The following ARHGAP32 variants were observed in gnomAD, a reference collection of about 807,000 sequenced individuals.
ARHGAP32 encodes rho GTPase-activating protein 32.
Under a neutral mutation model 186.5 loss-of-function variants are expected in ARHGAP32, and 51 were observed. That is an observed-to-expected ratio of 0.27 (90% CI 0.22 to 0.35). ARHGAP32 has a LOEUF of 0.35. Ranked by LOEUF, ARHGAP32 falls within the 10% of genes least tolerant of loss-of-function variation. The probability of loss-of-function intolerance (pLI) is 1.00; values close to 1 mark genes in which losing one functional copy is unlikely to be tolerated. For synonymous variants in ARHGAP32, 950 were observed against 964.3 expected (o/e 0.99, Z 0.27); for missense variants, 2,186 against 2,623.5 (o/e 0.83, Z 3.64).
chr11:128,977,851 T>TTTATCA (rs1555060275), intron 19 of ARHGAP32, among the ~76,000 whole-genome samples: 4 of 138,968 alleles, frequency 2.9e-5, no homozygotes, highest in African/African-American at 1.1e-4. Context: ...TTATTTGCAA[T>TTTATCA]TTATTATTAT....
At chr11:129,076,554 T>C (rs1464761382) in intron 6 of ARHGAP32, among the ~76,000 whole-genome samples, 1 of 152,114 alleles carries the variant, frequency 6.6e-6, no homozygotes, top group Admixed American at 6.5e-5. Context: ...ATTTGGAGAT[T>C]AAATGACACA....
chr11:128,997,102 A>C (rs1303949236), intron 12 of ARHGAP32, among the ~76,000 whole-genome samples: 1 of 152,148 alleles, frequency 6.6e-6, no homozygotes, highest in East Asian at 1.9e-4. Context: ...TCTAGTTTTG[A>C]ATATTGTTTT....
intron 11 of ARHGAP32, among the ~76,000 whole-genome samples, chr11:129,005,222 C>T (rs2134781490): frequency 6.6e-6 from 1 of 152,202 alleles, no homozygotes; most frequent in South Asian, 2.1e-4. Context: ...ATACTGTCTA[C>T]ATCTTGAAAA....
At chr11:129,239,152 GATA>G (rs1345905816) in intron 1 of ARHGAP32, among the ~76,000 whole-genome samples, 3 of 152,098 alleles carry the variant, frequency 2.0e-5, no homozygotes, top group Non-Finnish European at 4.4e-5. Flanking sequence ...GCCAGGCCAC[GATA>G]ATAATTTTTC....
chr11:129,088,979 C>A (rs369656831), intron 6 of ARHGAP32, among the ~76,000 whole-genome samples: 60 of 104,886 alleles, frequency 5.7e-4, no homozygotes, highest in African/African-American at 2.1e-3. Context: ...GCCTGGGTGA[C>A]AGAGAGAGAC....
intron 2 of ARHGAP32, among the ~76,000 whole-genome samples, chr11:129,142,136 G>A (rs763892303): frequency 1.1e-4 from 16 of 152,212 alleles, no homozygotes; most frequent in Middle Eastern, 3.4e-3. Context: ...TCTGATATAA[G>A]CTATCTGAAC....
intron 1 of ARHGAP32, among the ~76,000 whole-genome samples, chr11:129,174,324 C>A (rs1330512220): frequency 2.0e-5 from 3 of 152,180 alleles, no homozygotes; most frequent in Non-Finnish European, 4.4e-5. Context: ...GCTAGCACAG[C>A]AGTCTGAGAT....
chr11:129,157,197 A>T lies in ARHGAP32; in HGVS notation c.225+7122T>A, dbSNP rs140782693. ...CTCCAAGGGATCACAACTCCTTGCC[A>T]GCAAGGGAAGAAAACCAGACAGAGA... On this transcript the variant is annotated intron_variant, in intron 2 of 22. Transcript: ENST00000682385. Among the ~76,000 whole-genome samples the T allele has an allele frequency of 1.3e-4, 20 of 152,282 alleles. No individual in the cohort carries two copies. In the East Asian group the frequency reaches 3.9e-3, roughly 30 times the overall value.
chr11:129,030,108 T>C (rs1430106190), intron 11 of ARHGAP32, among the ~76,000 whole-genome samples: 2 of 152,156 alleles, frequency 1.3e-5, no homozygotes, highest in African/African-American at 4.8e-5. Context: ...CCTCTGAAGG[T>C]AGGGATTTTA....
At chr11:129,276,219 G>C (rs1367717299) in intron 1 of ARHGAP32, among the ~76,000 whole-genome samples, 1 of 152,222 alleles carries the variant, frequency 6.6e-6, no homozygotes, top group African/African-American at 2.4e-5. Flanking sequence ...AGTACTACCG[G>C]TGGATTTTCT....
chr11:129,221,593 C>T (rs1404253440), intron 1 of ARHGAP32, among the ~76,000 whole-genome samples: 2 of 150,366 alleles, frequency 1.3e-5, no homozygotes, highest in African/African-American at 4.9e-5. Context: ...TCCTGAGCTG[C>T]GCCCCAGAAA....
Position 129,163,204 on chromosome 11 carries a change from C to T in ARHGAP32, c.225+1115G>A, listed in dbSNP as rs150503971. Among the ~76,000 whole-genome samples the T allele has an allele frequency of 1.3e-3, 191 of 152,174 alleles. 3 individuals are homozygous for T. Among genetic ancestry groups the T allele is most frequent in the African/African-American group, 4.3e-3 (180 of 41,534 alleles). ...GCTGTGCCTGAGTGAAAGACATTTT[C>T]AAAAATGAAGTAAGTAAAATATCAT... On this transcript the variant is annotated intron_variant, in intron 2 of 22. Coordinates refer to ENST00000682385, the MANE Select transcript of ARHGAP32 (RefSeq NM_001378024.1).
At chr11:129,165,172 G>C (rs375946976) in intron 1 of ARHGAP32, among the ~76,000 whole-genome samples, 1 of 152,184 alleles carries the variant, frequency 6.6e-6, no homozygotes, top group East Asian at 1.9e-4. Flanking sequence ...GACCTAAAGA[G>C]AAAGAGCCCA....
intron 1 of ARHGAP32, among the ~76,000 whole-genome samples, chr11:129,166,254 GT>G (rs1177556443): frequency 6.6e-6 from 1 of 151,664 alleles, no homozygotes; most frequent in East Asian, 1.9e-4. Flanking sequence ...GAGAGACTTG[GT>G]TTAAAAAAAA....
At chr11:129,066,610 G>C in intron 7 of ARHGAP32, 121 bp downstream of exon 7, 1 of 822,146 alleles carries the variant, frequency 1.2e-6, no homozygotes, top group Non-Finnish European at 1.7e-6. Flanking sequence ...TATGAAACAG[G>C]CAAGTAGTCC....
chr11:129,193,604 A>ATATATAATATAT (rs1391567385), upstream of ARHGAP32, among the ~76,000 whole-genome samples: 2 of 74,438 alleles, frequency 2.7e-5, no homozygotes, highest in East Asian at 3.9e-4. Flanking sequence ...GTTATATATA[A>ATATATAATATAT]TATATAATAT....
At chr11:128,982,684 C>G (rs979826353) in intron 15 of ARHGAP32, among the ~76,000 whole-genome samples, 1 of 151,564 alleles carries the variant, frequency 6.6e-6, no homozygotes, top group African/African-American at 2.4e-5. Flanking sequence ...CTCGAGAGTT[C>G]AAGACCAGCC....
chr11:129,025,704 A>C (rs1257940304), intron 11 of ARHGAP32, among the ~76,000 whole-genome samples: 1 of 151,938 alleles, frequency 6.6e-6, no homozygotes, highest in Non-Finnish European at 1.5e-5. Flanking sequence ...GAAGAGAGTG[A>C]GAAAAAAGAA....
At chr11:129,055,300 G>A (rs1940206662) in intron 10 of ARHGAP32, among the ~76,000 whole-genome samples, 1 of 152,210 alleles carries the variant, frequency 6.6e-6, no homozygotes, top group Non-Finnish European at 1.5e-5. Context: ...TGGTGAGGAT[G>A]TGGAACAGCA....
Sources: gnomAD v4.1 joint callset for allele counts (sites outside exome capture counted in the v4.1 genomes callset) on GRCh38, gnomAD v4.1.1 for gene constraint, MANE v1.5 for transcripts, NCBI Gene and HGNC (gene_info 2026-07-23, HGNC 2026-07-21) for gene names.